WTAP: variants seen among roughly 807,000 people sequenced by gnomAD.
The protein encoded by WTAP is pre-mRNA-splicing regulator WTAP.
In WTAP, 8 loss-of-function variants were observed where a neutral mutation model predicts 50.0. That is an observed-to-expected ratio of 0.16 (90% CI 0.09 to 0.29). The LOEUF (loss-of-function observed/expected upper bound fraction) is 0.29, where lower values mean the gene tolerates loss of function less well. Among genes scored for constraint, WTAP ranks in the 10% least tolerant of loss-of-function variants. The probability of loss-of-function intolerance (pLI) is 1.00; values close to 1 mark genes in which losing one functional copy is unlikely to be tolerated. For missense variants in WTAP, 295 were observed against 470.7 expected (o/e 0.63, Z 3.45); for synonymous variants, 194 against 169.0 (o/e 1.15, Z -1.15).
intron 5 of WTAP, among the ~76,000 whole-genome samples, chr6:159,747,980 T>C (rs1040273839): frequency 6.6e-6 from 1 of 152,196 alleles, no homozygotes. Flanking sequence ...TGTATAGTGA[T>C]CAGATCGGGG....
chr6:159,731,963 C>G (rs1227880268), intron 1 of WTAP, among the ~76,000 whole-genome samples: 6 of 151,944 alleles, frequency 3.9e-5, no homozygotes, highest in Non-Finnish European at 7.4e-5. Flanking sequence ...ATATGGATAC[C>G]TGTCTTTAAG....
chr6:159,728,038 C>G (rs1015281326), intron 1 of WTAP, among the ~76,000 whole-genome samples: 1 of 152,226 alleles, frequency 6.6e-6, no homozygotes, highest in Non-Finnish European at 1.5e-5. Flanking sequence ...GGGTCGCCCC[C>G]TTCACCTCCC....
At chr6:159,743,491 A>C (rs575882097) in intron 4 of WTAP, among the ~76,000 whole-genome samples, 174 bp from the exon 5 acceptor site, 8 of 152,258 alleles carry the variant, frequency 5.3e-5, no homozygotes, top group Non-Finnish European at 1.0e-4. Context: ...CTATGACACC[A>C]TTGTCTCCTA....
intron 7 of WTAP, 73 bp from the exon 8 acceptor site, chr6:159,754,955 G>GT (rs1779950818): frequency 7.1e-7 from 1 of 1,413,702 alleles, no homozygotes; most frequent in African/African-American, 1.4e-5. Context: ...CCCTTGCTTT[G>GT]TGGCAGGCAC....
intron 5 of WTAP, among the ~76,000 whole-genome samples, chr6:159,744,836 AGCGCAGCTAATTTCTTAAT>A (rs1192604038): frequency 3.9e-5 from 6 of 152,142 alleles, no homozygotes; most frequent in African/African-American, 1.2e-4. Context: ...TGCGCCACCA[AGCGCAGCTAATTTCTTAAT>A]TTTTGTAGAG....
intron 4 of WTAP, 80 bp from the exon 5 acceptor site, chr6:159,743,585 C>A: frequency 7.4e-7 from 1 of 1,342,482 alleles, no homozygotes; most frequent in Non-Finnish European, 1.0e-6. Flanking sequence ...ATTTTTTGAC[C>A]CTAGTTCTTA....
At chr6:159,737,859 T>A (rs1169623156) in intron 2 of WTAP, among the ~76,000 whole-genome samples, 1 of 152,238 alleles carries the variant, frequency 6.6e-6, no homozygotes, top group East Asian at 1.9e-4. Context: ...GTGAATATAC[T>A]GTTTCTCAAT....
Position 159,755,894 on chromosome 6 carries a change from G to A in WTAP, c.*283G>A. On this transcript the variant is annotated 3_prime_UTR_variant, in exon 8 of 8. Transcript: ENST00000621533. ...TCAAGTTATTTTTATATGAGTTAATGTGAAATTGTAAATGGAAATTTTTCC... is the reference window on the plus strand; with the variant it reads ...TCAAGTTATTTTTATATGAGTTAATATGAAATTGTAAATGGAAATTTTTCC... 2.9e-6 allele frequency: 1 copy of A among 345,116 alleles called. No homozygotes were observed. The allele number at this position is 345,116 out of a possible 1,614,324, so 21.4% of individuals were successfully genotyped here. A position where few individuals can be genotyped will look rare whatever the true frequency, so the allele number is the denominator to read the frequency against.
chr6:159,736,252 T>A lies in WTAP; in HGVS notation c.-8-6T>A. The A allele has an allele frequency of 6.3e-7, 1 of 1,597,544 alleles. No individual in the cohort carries two copies. The highest frequency in any genetic ancestry group is 8.5e-7 in the Non-Finnish European group (1 of 1,172,684). ...TGAACTTGTTTTCCGCAACTTTTTT[T>A]TTTAGGATTCAAGATGACCAACGAA... On this transcript the variant is annotated splice_region_variant and splice_polypyrimidine_tract_variant and intron_variant, in intron 1 of 7. Transcript: ENST00000621533.
chr6:159,734,500 C>T (rs945849886), intron 1 of WTAP, among the ~76,000 whole-genome samples: 6 of 151,974 alleles, frequency 3.9e-5, no homozygotes, highest in Non-Finnish European at 7.4e-5. Flanking sequence ...AGGGAAGATT[C>T]ATGAGTATAC....
chr6:159,752,294 A>G (rs527338723), intron 6 of WTAP, among the ~76,000 whole-genome samples: 3 of 152,338 alleles, frequency 2.0e-5, no homozygotes, highest in South Asian at 4.1e-4. Flanking sequence ...TCTTTATCCA[A>G]GTCTCAAAGG....
intron 1 of WTAP, among the ~76,000 whole-genome samples, chr6:159,734,735 T>C (rs1273778103): frequency 1.3e-5 from 2 of 152,258 alleles, no homozygotes; most frequent in African/African-American, 4.8e-5. Flanking sequence ...GCAATTTAGA[T>C]GCTTTTTCAA....
At position 159,756,146 on chromosome 6, in the gene WTAP, T is replaced by C. The variant is rs373689558; in HGVS notation, c.*535T>C. 3.9e-5 allele frequency: 6 copies of C among 153,284 alleles called. No homozygotes were observed. The highest frequency in any genetic ancestry group is 2.1e-4 in the South Asian group (1 of 4,856). The allele number at this position is 153,284 out of a possible 1,614,324, so 9.5% of individuals were successfully genotyped here. A position where few individuals can be genotyped will look rare whatever the true frequency, so the allele number is the denominator to read the frequency against. ...AGTTTCAGTGTTAGATACAGTTTTT[T>C]CCACCATACATCTGTGCATTTTCTC... On this transcript the variant is annotated 3_prime_UTR_variant, in exon 8 of 8. Transcript: ENST00000621533.
intron 1 of WTAP, among the ~76,000 whole-genome samples, chr6:159,735,942 C>A (rs1778887649): frequency 6.6e-6 from 1 of 151,968 alleles, no homozygotes; most frequent in Non-Finnish European, 1.5e-5. Flanking sequence ...TTCTCTTCAC[C>A]CTTTATGGCG....
At chr6:159,744,970 C>T (rs769483447) in intron 5 of WTAP, among the ~76,000 whole-genome samples, 4 of 152,314 alleles carry the variant, frequency 2.6e-5, no homozygotes, top group Admixed American at 1.3e-4. Flanking sequence ...TGTGAGCCAT[C>T]GCACCTGGCC....
chr6:159,751,195 A>G (rs1382006390), intron 6 of WTAP, among the ~76,000 whole-genome samples: 1 of 152,242 alleles, frequency 6.6e-6, no homozygotes, highest in African/African-American at 2.4e-5. Flanking sequence ...TTATTTTACT[A>G]ATCACTAGTT....
chr6:159,744,377 T>C (rs976721454), intron 5 of WTAP, among the ~76,000 whole-genome samples: 1 of 152,222 alleles, frequency 6.6e-6, no homozygotes, highest in African/African-American at 2.4e-5. Flanking sequence ...AGCTGTATCC[T>C]TGTTTCTGAT....
chr6:159,753,381 C>T (rs1037317594), intron 6 of WTAP, 79 bp from the exon 7 acceptor site: 12 of 1,586,882 alleles, frequency 7.6e-6, no homozygotes, highest in Non-Finnish European at 9.5e-6. Flanking sequence ...GTATGTGTTA[C>T]ATCTATCACT....
intron 1 of WTAP, among the ~76,000 whole-genome samples, chr6:159,732,982 G>A (rs911928586): frequency 1.3e-5 from 2 of 151,464 alleles, no homozygotes; most frequent in Non-Finnish European, 2.9e-5. Flanking sequence ...TGATATCTGG[G>A]TTCTAAGACT....
Sources: gnomAD v4.1 joint callset for allele counts (sites outside exome capture counted in the v4.1 genomes callset) on GRCh38, gnomAD v4.1.1 for gene constraint, MANE v1.5 for transcripts, NCBI Gene and HGNC (gene_info 2026-07-23, HGNC 2026-07-21) for gene names.